The following FYN variants were observed in gnomAD, a reference collection of about 807,000 sequenced individuals.
FYN encodes the protein FYN proto-oncogene, Src family tyrosine kinase.
FYN carries 10 observed loss-of-function variants against 70.2 expected under a neutral mutation model. That is an observed-to-expected ratio of 0.14 (90% confidence interval 0.09 to 0.24). FYN has a LOEUF of 0.24. Ranked by LOEUF, FYN falls within the 10% of genes least tolerant of loss-of-function variation. The pLI is 1.00. For missense variants in FYN, 319 were observed against 673.1 expected (o/e 0.47, Z 5.82); for synonymous variants, 236 against 248.6 (o/e 0.95, Z 0.48).
chr6:111,669,625 C>A (rs191016392), intron 13 of FYN, among the ~76,000 whole-genome samples: 358 of 152,122 alleles, frequency 2.4e-3, no homozygotes, highest in Admixed American at 7.0e-3. Context: ...AGGACAGAGG[C>A]TACCTTGTGG....
At chr6:111,745,604 G>A (rs967018067) in intron 3 of FYN, among the ~76,000 whole-genome samples, 59 of 152,194 alleles carry the variant, frequency 3.9e-4, no homozygotes, top group African/African-American at 1.4e-3. Context: ...GGGCCCAAAT[G>A]TGAAGGAGGG....
chr6:111,691,026 T>C (rs1799291873), intron 12 of FYN, among the ~76,000 whole-genome samples: 1 of 152,228 alleles, frequency 6.6e-6, no homozygotes, highest in African/African-American at 2.4e-5. Flanking sequence ...TGTTTGTAAC[T>C]AAAGACGAAC....
At chr6:111,785,306 A>G (rs1385149061) in intron 2 of FYN, among the ~76,000 whole-genome samples, 1 of 152,216 alleles carries the variant, frequency 6.6e-6, no homozygotes, top group African/African-American at 2.4e-5. Flanking sequence ...CACCCCCTAC[A>G]GATAGTGCCT....
At chr6:111,847,777 T>C (rs1006044215) in intron 1 of FYN, among the ~76,000 whole-genome samples, 3 of 152,184 alleles carry the variant, frequency 2.0e-5, no homozygotes, top group African/African-American at 7.2e-5. Context: ...AAAATGACCA[T>C]GAGGAAGAGA....
At chr6:111,684,833 G>C (rs1798928017) in intron 12 of FYN, among the ~76,000 whole-genome samples, 1 of 152,188 alleles carries the variant, frequency 6.6e-6, no homozygotes, top group Non-Finnish European at 1.5e-5. Flanking sequence ...TTGGAGTACA[G>C]ACTGTGTTAT....
At chr6:111,704,159 C>G in intron 6 of FYN, 57 bp from the exon 7 acceptor site, 1 of 1,429,490 alleles carries the variant, frequency 7.0e-7, no homozygotes. Context: ...CAAAATGCAA[C>G]AGCATAGGCT....
intron 2 of FYN, among the ~76,000 whole-genome samples, chr6:111,805,392 C>A (rs1562527949): frequency 6.6e-6 from 1 of 152,314 alleles, no homozygotes; most frequent in East Asian, 1.9e-4. Flanking sequence ...AAAAATTATA[C>A]ATCGTTTATC....
intron 2 of FYN, among the ~76,000 whole-genome samples, chr6:111,812,582 G>A (rs1449876750): frequency 1.3e-5 from 2 of 148,414 alleles, no homozygotes; most frequent in Non-Finnish European, 3.0e-5. Context: ...CCTTTATGGA[G>A]GTAATTAAAT....
chr6:111,782,478 T>A (rs1771211660), intron 2 of FYN, among the ~76,000 whole-genome samples: 1 of 152,234 alleles, frequency 6.6e-6, no homozygotes, highest in Non-Finnish European at 1.5e-5. Flanking sequence ...AAGCATTCTA[T>A]ATTTAGACTA....
At chr6:111,806,333 G>C (rs1422419152) in intron 2 of FYN, among the ~76,000 whole-genome samples, 1 of 152,086 alleles carries the variant, frequency 6.6e-6, no homozygotes, top group Admixed American at 6.6e-5. Context: ...AGAGGAGGAG[G>C]GGGTGGGACA....
At chr6:111,748,275 T>C (rs1802318258) in intron 3 of FYN, among the ~76,000 whole-genome samples, 1 of 152,218 alleles carries the variant, frequency 6.6e-6, no homozygotes. Flanking sequence ...AAAAGCCATT[T>C]AGAACATTAT....
chr6:111,807,829 G>T (rs1043088240), intron 2 of FYN, among the ~76,000 whole-genome samples: 5 of 152,184 alleles, frequency 3.3e-5, no homozygotes, highest in African/African-American at 1.2e-4. Context: ...TGAGGTCAGG[G>T]CCGGATGTGG....
rs189807614 is a variant in FYN, at chr6:111,661,172, G to C, written c.*567C>G. 1 of 152,088 alleles carries C rather than the reference G, an allele frequency of 6.6e-6. No homozygotes were observed. Among genetic ancestry groups the C allele is most frequent in the African/African-American group, 2.4e-5 (1 of 41,384 alleles). 9.4% of individuals were successfully genotyped at this position (152,088 alleles called of 1,614,324 possible). A position where few individuals can be genotyped will look rare whatever the true frequency, so the allele number is the denominator to read the frequency against. On this transcript the variant is annotated 3_prime_UTR_variant, in exon 14 of 14. Coordinates refer to ENST00000354650, the MANE Select transcript of FYN (RefSeq NM_002037.5). The surrounding 1 kb of genome is among the most constrained non-coding windows in gnomAD (Gnocchi z 4.0). ...CTGGGTCCCGCAGCTTGGTGGCTCA[G>C]GCCGGCCACAGTCTCCACATTAGCA...
intron 3 of FYN, among the ~76,000 whole-genome samples, chr6:111,753,873 T>C (rs1272070555): frequency 6.6e-6 from 1 of 152,170 alleles, no homozygotes; most frequent in Admixed American, 6.5e-5. Context: ...GCTTTTGATA[T>C]AAACATGTTG....
chr6:111,835,260 G>T (rs752168), intron 2 of FYN, among the ~76,000 whole-genome samples: 2 of 152,018 alleles, frequency 1.3e-5, no homozygotes, highest in South Asian at 2.1e-4. Context: ...AGGTAATTTG[G>T]TTTTTCTTAA....
intron 13 of FYN, among the ~76,000 whole-genome samples, chr6:111,673,114 A>C (rs1034834771): frequency 1.3e-5 from 2 of 152,184 alleles, no homozygotes; most frequent in Admixed American, 6.5e-5. Flanking sequence ...AAATTCAGAC[A>C]ATAAATAAAG....
At chr6:111,771,953 G>A (rs1803469724) in intron 3 of FYN, among the ~76,000 whole-genome samples, 2 of 152,058 alleles carry the variant, frequency 1.3e-5, no homozygotes, top group African/African-American at 4.8e-5. Context: ...TGGGGGGCAT[G>A]GCCAGAAGGG....
intron 2 of FYN, among the ~76,000 whole-genome samples, chr6:111,802,738 T>C (rs941215760): frequency 1.9e-4 from 28 of 150,844 alleles, no homozygotes; most frequent in African/African-American, 6.6e-4. Context: ...CCCAATCAGG[T>C]AATTTTTCAT....
At chr6:111,782,107 A>C (rs765923929) in intron 2 of FYN, among the ~76,000 whole-genome samples, 7 of 152,182 alleles carry the variant, frequency 4.6e-5, no homozygotes, top group Non-Finnish European at 1.0e-4. Flanking sequence ...GCCTAGCTTC[A>C]TTCTCATTGA....
Sources: gnomAD v4.1 joint callset for allele counts (sites outside exome capture counted in the v4.1 genomes callset) on GRCh38, gnomAD v4.1.1 for gene constraint, Gnocchi (gnomAD v3.1) non-coding constraint, MANE v1.5 for transcripts, NCBI Gene and HGNC (gene_info 2026-07-23, HGNC 2026-07-21) for gene names.